CEP112: variants seen among roughly 807,000 people sequenced by gnomAD.
CEP112 encodes centrosomal protein of 112 kDa.
Under a neutral mutation model 153.0 loss-of-function variants are expected in CEP112, and 127 were observed. The observed-to-expected ratio is 0.83, with a 90% CI of 0.72 to 0.96. The LOEUF (loss-of-function observed/expected upper bound fraction) is 0.96. CEP112 is among the 40% of genes least tolerant of loss of function. The pLI is 0.00. For missense variants in CEP112, 1,089 were observed against 1,101.2 expected (o/e 0.99, Z 0.16); for synonymous variants, 358 against 374.4 (o/e 0.96, Z 0.51).
intron 21 of CEP112, among the ~76,000 whole-genome samples, chr17:65,841,157 CAA>C (rs1439521106): frequency 2.0e-5 from 3 of 151,784 alleles, no homozygotes; most frequent in African/African-American, 7.3e-5. Context: ...AATATATATC[CAA>C]AAGAAAGGAA....
At chr17:65,948,691 A>T (rs541965855) in intron 18 of CEP112, among the ~76,000 whole-genome samples, 31 of 137,522 alleles carry the variant, frequency 2.3e-4, no homozygotes, top group Non-Finnish European at 2.8e-4. Flanking sequence ...AATAAATTTC[A>T]CCATTTCAGT....
intron 21 of CEP112, among the ~76,000 whole-genome samples, chr17:65,798,457 A>G (rs2055065982): frequency 6.6e-6 from 1 of 152,088 alleles, no homozygotes; most frequent in Non-Finnish European, 1.5e-5. Context: ...TTTGTACAAA[A>G]ATTCAATGTT....
Position 66,062,968 on chromosome 17 carries a change from T to C in CEP112, c.1069A>G (p.Lys357Glu). 6.5e-7 allele frequency: 1 copy of C among 1,537,512 alleles called. No individual in the cohort carries two copies. Among genetic ancestry groups the C allele is most frequent in the Non-Finnish European group, 8.9e-7 (1 of 1,128,770 alleles). ...STESLNNDWE[K>E]KLHNAVAEME... is the part of the protein sequence containing the mutation. The stretch of plus-strand genomic sequence containing the variant: ...TAGTATTTTATGTAGCTTACCTTTT[T>C]TTCCCAGTCATTATTTAGAGATTCC... Residue 357 changes from lysine to glutamate, a missense_variant, in exon 11 of 27, where the codon AAA becomes GAA. Coordinates refer to ENST00000535342, the MANE Select transcript of CEP112 (RefSeq NM_001199165.4).
At chr17:66,138,082 T>G (rs1027031124) in intron 4 of CEP112, among the ~76,000 whole-genome samples, 1 of 152,054 alleles carries the variant, frequency 6.6e-6, no homozygotes, top group African/African-American at 2.4e-5. Flanking sequence ...AATGAGACAA[T>G]GAGTATTGCT....
At chr17:65,999,179 A>G (rs553902003) in intron 17 of CEP112, among the ~76,000 whole-genome samples, 1 of 151,476 alleles carries the variant, frequency 6.6e-6, no homozygotes, top group South Asian at 2.1e-4. Flanking sequence ...AATGAACTCC[A>G]ATAGAAATTA....
intron 9 of CEP112, 151 bp from the exon 10 acceptor site, chr17:66,067,028 C>T (rs1355678439): frequency 1.7e-5 from 4 of 234,408 alleles, no homozygotes; most frequent in African/African-American, 1.0e-4. Context: ...CACACACACA[C>T]ACACACACAC....
At chr17:66,190,664 G>T (rs748919127) in intron 1 of CEP112, among the ~76,000 whole-genome samples, 4 of 152,154 alleles carry the variant, frequency 2.6e-5, no homozygotes, top group Non-Finnish European at 4.4e-5. Flanking sequence ...GGTGACTCTT[G>T]CTTATAGCTA....
intron 17 of CEP112, among the ~76,000 whole-genome samples, chr17:65,986,366 G>A (rs564869933): frequency 6.6e-6 from 1 of 152,092 alleles, no homozygotes; most frequent in East Asian, 1.9e-4. Context: ...AATTATATAG[G>A]AAGACACATT....
At chr17:65,870,228 G>A (rs1422538388) in intron 20 of CEP112, among the ~76,000 whole-genome samples, 4 of 152,014 alleles carry the variant, frequency 2.6e-5, no homozygotes, top group Admixed American at 2.6e-4. Flanking sequence ...GTTTTTTTGT[G>A]AGTAATGATA....
chr17:65,963,856 T>C (rs1472225188), intron 17 of CEP112, among the ~76,000 whole-genome samples: 1 of 152,222 alleles, frequency 6.6e-6, no homozygotes, highest in Non-Finnish European at 1.5e-5. Flanking sequence ...ATATCCCATG[T>C]ATCCATCTAC....
At chr17:65,836,683 A>G (rs2146176654) in intron 21 of CEP112, among the ~76,000 whole-genome samples, 1 of 152,374 alleles carries the variant, frequency 6.6e-6, no homozygotes, top group African/African-American at 2.4e-5. Context: ...CAATAATAGT[A>G]GTAGATTTCA....
chr17:65,724,894 G>A (rs2050093357), intron 23 of CEP112, among the ~76,000 whole-genome samples: 1 of 152,036 alleles, frequency 6.6e-6, no homozygotes, highest in South Asian at 2.1e-4. Flanking sequence ...CTGCCCCCAA[G>A]GCTGCCCGCT....
chr17:65,931,490 G>C (rs1024060077), intron 18 of CEP112, among the ~76,000 whole-genome samples: 3 of 152,200 alleles, frequency 2.0e-5, no homozygotes, highest in African/African-American at 7.2e-5. Flanking sequence ...ATGTTTGGCA[G>C]GAGGCCCACT....
chr17:66,080,732 G>C (rs1247400015), intron 8 of CEP112, among the ~76,000 whole-genome samples: 1 of 152,088 alleles, frequency 6.6e-6, no homozygotes, highest in Non-Finnish European at 1.5e-5. Context: ...TTGCAGCACT[G>C]TTCACAATAG....
chr17:65,745,302 T>C (rs1371994530), intron 22 of CEP112, among the ~76,000 whole-genome samples: 1 of 152,236 alleles, frequency 6.6e-6, no homozygotes, highest in African/African-American at 2.4e-5. Context: ...AGGCATTCAT[T>C]TACTGAGAAT....
chr17:66,007,200 T>C (rs964182905), intron 16 of CEP112, among the ~76,000 whole-genome samples: 1 of 152,118 alleles, frequency 6.6e-6, no homozygotes, highest in Non-Finnish European at 1.5e-5. Context: ...GCTGCTATGA[T>C]GATAATCTCA....
intron 23 of CEP112, among the ~76,000 whole-genome samples, chr17:65,698,202 T>A (rs2048450806): frequency 6.6e-6 from 1 of 152,192 alleles, no homozygotes; most frequent in Non-Finnish European, 1.5e-5. Context: ...ACGTGAAAAC[T>A]TTTTAGTTGT....
At chr17:65,985,596 A>G (rs918721550) in intron 17 of CEP112, among the ~76,000 whole-genome samples, 1 of 152,204 alleles carries the variant, frequency 6.6e-6, no homozygotes. Flanking sequence ...GGTCTACTAT[A>G]TTAATAAAGC....
intron 23 of CEP112, among the ~76,000 whole-genome samples, chr17:65,697,868 A>C (rs914076034): frequency 3.9e-5 from 6 of 152,236 alleles, no homozygotes; most frequent in African/African-American, 1.4e-4. Flanking sequence ...TTCTACAGTC[A>C]TGGAAAACAG....
Sources: gnomAD v4.1 joint callset for allele counts (sites outside exome capture counted in the v4.1 genomes callset) on GRCh38, gnomAD v4.1.1 for gene constraint, MANE v1.5 for transcripts, NCBI Gene and HGNC (gene_info 2026-07-23, HGNC 2026-07-21) for gene names.